Variants in KCNH8 observed in about 807,000 individuals in gnomAD.
KCNH8 encodes potassium voltage-gated channel subfamily H member 8.
A neutral mutation model predicts 103.6 loss-of-function variants in KCNH8; 70 were observed. That is an observed-to-expected ratio of 0.68 (90% CI 0.56 to 0.82). KCNH8 has a LOEUF of 0.82. KCNH8 is among the 40% of genes least tolerant of loss of function. The pLI is 0.00. For missense variants in KCNH8, 1,217 were observed against 1,329.9 expected, an observed-to-expected ratio of 0.92 and a Z score of 1.32; for synonymous variants, 498 against 489.4, an observed-to-expected ratio of 1.02 and a Z score of -0.23.
chr3:19,298,705 G>A (rs1407586287), intron 3 of KCNH8, among the ~76,000 whole-genome samples: 1 of 151,842 alleles, frequency 6.6e-6, no homozygotes, highest in East Asian at 1.9e-4. Flanking sequence ...GGCGGATCAC[G>A]AGGTCAGGAG....
intron 2 of KCNH8, among the ~76,000 whole-genome samples, chr3:19,267,217 G>A (rs530467219): frequency 2.0e-5 from 3 of 152,142 alleles, no homozygotes; most frequent in African/African-American, 7.2e-5. Context: ...AAAGGCCAGG[G>A]GAAAGCACCT....
At chr3:19,478,157 T>C (rs2068015204) in intron 11 of KCNH8, among the ~76,000 whole-genome samples, 1 of 152,152 alleles carries the variant, frequency 6.6e-6, no homozygotes, top group South Asian at 2.1e-4. Context: ...ATAGGCCCAT[T>C]TTCTTCATCT....
intron 7 of KCNH8, among the ~76,000 whole-genome samples, chr3:19,419,361 G>A (rs929875120): frequency 1.8e-4 from 27 of 151,376 alleles, no homozygotes; most frequent in South Asian, 2.1e-4. Context: ...CACCACGCCC[G>A]GCTAATTTTT....
At chr3:19,339,371 C>T (rs1415027813) in intron 3 of KCNH8, among the ~76,000 whole-genome samples, 1 of 152,038 alleles carries the variant, frequency 6.6e-6, no homozygotes, top group South Asian at 2.1e-4. Flanking sequence ...TATAAGCAGC[C>T]TGTTGGCCAT....
At chr3:19,206,245 A>C (rs1257163104) in intron 1 of KCNH8, among the ~76,000 whole-genome samples, 1 of 135,326 alleles carries the variant, frequency 7.4e-6, no homozygotes, top group African/African-American at 3.5e-5. Context: ...TAACTGATTG[A>C]TATATATAGA....
At chr3:19,223,896 T>C (rs1397511029) in intron 1 of KCNH8, among the ~76,000 whole-genome samples, 1 of 152,206 alleles carries the variant, frequency 6.6e-6, no homozygotes, top group Non-Finnish European at 1.5e-5. Flanking sequence ...TTTTAATCTT[T>C]AATATTTTTT....
intron 7 of KCNH8, among the ~76,000 whole-genome samples, chr3:19,429,242 C>G (rs368707117): frequency 6.9e-6 from 1 of 144,302 alleles, no homozygotes; most frequent in African/African-American, 2.6e-5. Context: ...GGCGCGATCT[C>G]GGCTCACTGC....
At chr3:19,278,170 T>G (rs976292999) in intron 2 of KCNH8, among the ~76,000 whole-genome samples, 3 of 151,982 alleles carry the variant, frequency 2.0e-5, no homozygotes, top group East Asian at 1.9e-4. Flanking sequence ...CTGGAAAGAT[T>G]TAGGAAAGCA....
intron 1 of KCNH8, among the ~76,000 whole-genome samples, chr3:19,226,910 CA>C (rs2063938776): frequency 1.3e-5 from 2 of 152,184 alleles, no homozygotes; most frequent in African/African-American, 4.8e-5. Context: ...TGCAGATCCA[CA>C]ATTTCCCAGT....
intron 1 of KCNH8, among the ~76,000 whole-genome samples, chr3:19,212,344 A>G (rs755637757): frequency 1.9e-4 from 29 of 152,172 alleles, no homozygotes; most frequent in Admixed American, 4.6e-4. Context: ...CTATTCTTCA[A>G]CATACCTGGC....
intron 3 of KCNH8, among the ~76,000 whole-genome samples, chr3:19,339,081 A>G (rs1285427621): frequency 2.6e-5 from 4 of 152,108 alleles, no homozygotes; most frequent in Non-Finnish European, 5.9e-5. Context: ...TTTCAACCCA[A>G]TCTTGCATGA....
At chr3:19,474,772 C>G (rs1263391074) in intron 11 of KCNH8, among the ~76,000 whole-genome samples, 1 of 152,164 alleles carries the variant, frequency 6.6e-6, no homozygotes, top group African/African-American at 2.4e-5. Flanking sequence ...ATGACTGATT[C>G]GTGTGACTGC....
intron 2 of KCNH8, among the ~76,000 whole-genome samples, chr3:19,258,935 CTCTCTCTCTCTCTATATATATA>C (rs1287648470): frequency 2.0e-3 from 168 of 83,426 alleles, no homozygotes; most frequent in African/African-American, 7.7e-3. Context: ...CTCTCTCTCT[CTCTCTCTCTCTCTATATATATA>C]TATATATATA....
At chr3:19,198,224 G>A (rs373641623) in intron 1 of KCNH8, among the ~76,000 whole-genome samples, 3 of 152,086 alleles carry the variant, frequency 2.0e-5, no homozygotes, top group African/African-American at 7.2e-5. Context: ...TGAATAAAGA[G>A]GGGCAGTCCA....
intron 5 of KCNH8, among the ~76,000 whole-genome samples, chr3:19,381,425 A>G (rs899731646): frequency 6.6e-6 from 1 of 152,216 alleles, no homozygotes; most frequent in Non-Finnish European, 1.5e-5. Context: ...AAGTTAAAAA[A>G]TAAAGCTTTT....
At chr3:19,315,804 T>A (rs1474101055) in intron 3 of KCNH8, among the ~76,000 whole-genome samples, 3 of 151,984 alleles carry the variant, frequency 2.0e-5, no homozygotes, top group Non-Finnish European at 4.4e-5. Flanking sequence ...ATGCAAGTGG[T>A]TGAGGCACTA....
At chr3:19,320,105 C>G (rs2065330004) in intron 3 of KCNH8, among the ~76,000 whole-genome samples, 1 of 151,980 alleles carries the variant, frequency 6.6e-6, no homozygotes, top group Admixed American at 6.6e-5. Context: ...CATCAGTAAA[C>G]AGCAACAGCT....
intron 1 of KCNH8, among the ~76,000 whole-genome samples, chr3:19,226,552 A>ATC (rs147387395): frequency 0.04 from 5,864 of 145,646 alleles, 392 homozygotes; most frequent in African/African-American, 0.14. Flanking sequence ...TTGCTCCACC[A>ATC]TCTCTCTCTC....
At chr3:19,492,804 T>C (rs1342097707) in intron 11 of KCNH8, among the ~76,000 whole-genome samples, 1 of 151,444 alleles carries the variant, frequency 6.6e-6, no homozygotes, top group African/African-American at 2.4e-5. Flanking sequence ...CTGATTCTTC[T>C]AGTCCTTGAG....
Sources: gnomAD v4.1 joint callset for allele counts (sites outside exome capture counted in the v4.1 genomes callset) on GRCh38, gnomAD v4.1.1 for gene constraint, MANE v1.5 for transcripts, NCBI Gene and HGNC (gene_info 2026-07-23, HGNC 2026-07-21) for gene names.